CDK19: variants seen among roughly 807,000 people sequenced by gnomAD.
CDK19 encodes the protein cyclin dependent kinase 19, also known as cyclin-dependent kinase 19.
Under a neutral mutation model 68.3 loss-of-function variants are expected in CDK19, and 20 were observed. The ratio of observed to expected loss-of-function variants is 0.29; its 90% confidence interval spans 0.21 to 0.43. The LOEUF (loss-of-function observed/expected upper bound fraction) is 0.43, where lower values mean the gene tolerates loss of function less well. Ranked by LOEUF, CDK19 falls within the 20% of genes least tolerant of loss-of-function variation. CDK19 has a pLI of 1.00. For missense variants in CDK19, 339 were observed against 623.5 expected (o/e 0.54, Z 4.86); for synonymous variants, 221 against 222.8 (o/e 0.99, Z 0.07).
In CDK19 at chr6:110,792,383, C is replaced by T. The variant is rs531693317; in HGVS notation, c.128+22626G>A. Among the ~76,000 whole-genome samples, 19 of 151,864 alleles carry T rather than the reference C, an allele frequency of 1.3e-4. No homozygotes were observed. The East Asian group carries it at 3.1e-3, about 25-fold the overall frequency. On this transcript the variant is annotated intron_variant, in intron 1 of 12. Coordinates refer to ENST00000368911, the MANE Select transcript of CDK19 (RefSeq NM_015076.5). Reference sequence around the variant, plus strand: ...CCATCATCAAACCAATTTTTCTTTCCTAATATAATAAACTTTTTTTGTTGT... The same window carrying T: ...CCATCATCAAACCAATTTTTCTTTCTTAATATAATAAACTTTTTTTGTTGT...
At chr6:110,705,509 G>A (rs566329686) in intron 2 of CDK19, among the ~76,000 whole-genome samples, 35 of 152,274 alleles carry the variant, frequency 2.3e-4, no homozygotes, top group African/African-American at 8.4e-4. Context: ...CATTGTAAGG[G>A]AGCAAATGGG....
intron 2 of CDK19, among the ~76,000 whole-genome samples, chr6:110,716,737 A>G (rs1195366932): frequency 6.6e-6 from 1 of 152,220 alleles, no homozygotes; most frequent in Non-Finnish European, 1.5e-5. Context: ...AAAGAGATCT[A>G]CGTGTATCTC....
intron 2 of CDK19, among the ~76,000 whole-genome samples, chr6:110,720,158 T>C (rs1251326666): frequency 1.3e-5 from 2 of 152,118 alleles, no homozygotes; most frequent in Admixed American, 1.3e-4. Context: ...ACTTTGATAC[T>C]TGTTCTTTAC....
intron 4 of CDK19, among the ~76,000 whole-genome samples, chr6:110,650,836 T>C (rs1043589745): frequency 2.0e-5 from 3 of 152,184 alleles, no homozygotes; most frequent in African/African-American, 4.8e-5. Context: ...CTGTTTCAAA[T>C]GGTTCTGTTT....
chr6:110,626,508 G>C (rs1779096755), intron 8 of CDK19, among the ~76,000 whole-genome samples: 2 of 152,194 alleles, frequency 1.3e-5, no homozygotes, highest in East Asian at 3.8e-4. Context: ...TGAGGAGTGG[G>C]ATTAATGCCT....
At chr6:110,660,492 G>A (rs759469070) in intron 4 of CDK19, among the ~76,000 whole-genome samples, 11 of 152,132 alleles carry the variant, frequency 7.2e-5, no homozygotes, top group Non-Finnish European at 1.0e-4. Flanking sequence ...ACCTGCACTC[G>A]TGGCACCCGA....
At chr6:110,741,860 G>A (rs771217445) in intron 2 of CDK19, among the ~76,000 whole-genome samples, 2 of 152,032 alleles carry the variant, frequency 1.3e-5, no homozygotes, top group African/African-American at 4.8e-5. Flanking sequence ...AAAGAATTAC[G>A]ACATTCCCAG....
At chr6:110,678,549 C>T (rs1250600433) in intron 2 of CDK19, among the ~76,000 whole-genome samples, 1 of 152,148 alleles carries the variant, frequency 6.6e-6, no homozygotes, top group Non-Finnish European at 1.5e-5. Context: ...TCTTCCCTAG[C>T]CTTTCTATTT....
chr6:110,634,319 C>A (rs766473873), intron 5 of CDK19, among the ~76,000 whole-genome samples: 2 of 152,092 alleles, frequency 1.3e-5, no homozygotes, highest in Admixed American at 6.6e-5. Flanking sequence ...TAGGTTCAAG[C>A]GATTCTCCTG....
Position 110,622,914 on chromosome 6 carries a change from TAGAGTGACAC to T in CDK19, c.934-12_934-3del. On this transcript the variant is annotated splice_region_variant and splice_polypyrimidine_tract_variant and intron_variant, in intron 9 of 12. Coordinates refer to ENST00000368911, the MANE Select transcript of CDK19 (RefSeq NM_015076.5). ...ATCCATGGTCAGGAGTTTCTGAAGC[TAGAGTGACAC>T]ACAGGAAATGTACAGCACATGAAAA... 6.3e-7 allele frequency: 1 copy of T among 1,586,202 alleles called. No individual in the cohort carries two copies. The highest frequency in any genetic ancestry group is 8.7e-7 in the Non-Finnish European group (1 of 1,154,368).
chr6:110,804,490 T>C (rs1444880353), intron 1 of CDK19, among the ~76,000 whole-genome samples: 1 of 151,254 alleles, frequency 6.6e-6, no homozygotes, highest in Non-Finnish European at 1.5e-5. Flanking sequence ...CTACTCAGGG[T>C]AGGTGCGTGC....
intron 1 of CDK19, among the ~76,000 whole-genome samples, chr6:110,792,905 T>A (rs7349909): frequency 6.6e-6 from 1 of 152,210 alleles, no homozygotes; most frequent in South Asian, 2.1e-4. Context: ...GAGACTTTTA[T>A]ACATTTTGAC....
chr6:110,654,445 G>A (rs1269867194), intron 4 of CDK19, among the ~76,000 whole-genome samples: 1 of 152,222 alleles, frequency 6.6e-6, no homozygotes, highest in Non-Finnish European at 1.5e-5. Context: ...CATTGTGGTT[G>A]CAACTTCCTA....
chr6:110,760,187 G>C (rs1267749960), intron 1 of CDK19, among the ~76,000 whole-genome samples: 1 of 151,934 alleles, frequency 6.6e-6, no homozygotes, highest in East Asian at 1.9e-4. Flanking sequence ...CTTGAGGCCA[G>C]AAATTCGAGA....
intron 1 of CDK19, among the ~76,000 whole-genome samples, chr6:110,769,152 C>CAGAA (rs1562273196): frequency 2.0e-5 from 1 of 50,556 alleles, no homozygotes. Context: ...GACTCTGTCT[C>CAGAA]AAAAAAAAAA....
chr6:110,668,358 C>A (rs1207526694), intron 3 of CDK19, among the ~76,000 whole-genome samples: 1 of 152,014 alleles, frequency 6.6e-6, no homozygotes, highest in South Asian at 2.1e-4. Flanking sequence ...TTTAAGATGA[C>A]CAAATGGTAT....
intron 1 of CDK19, among the ~76,000 whole-genome samples, chr6:110,785,631 C>T (rs1264925705): frequency 2.0e-5 from 3 of 151,822 alleles, no homozygotes; most frequent in Non-Finnish European, 4.4e-5. Context: ...ATGGCAGAGG[C>T]GGAGGAGGTA....
chr6:110,801,596 C>T (rs1782351638), intron 1 of CDK19, among the ~76,000 whole-genome samples: 1 of 152,060 alleles, frequency 6.6e-6, no homozygotes, highest in Non-Finnish European at 1.5e-5. Flanking sequence ...ACTGCAAGCT[C>T]CGCCTCCCAG....
chr6:110,760,783 A>C (rs1234694778), intron 1 of CDK19, among the ~76,000 whole-genome samples: 1 of 152,156 alleles, frequency 6.6e-6, no homozygotes, highest in African/African-American at 2.4e-5. Flanking sequence ...GGTACTATTA[A>C]CCATCCCCAT....
Sources: allele counts gnomAD v4.1 joint callset (sites outside exome capture counted in the v4.1 genomes callset), GRCh38; gene constraint gnomAD v4.1.1; transcripts MANE v1.5; gene names NCBI Gene and HGNC (gene_info 2026-07-23, HGNC 2026-07-21).